Variants in LDLRAD3 observed in about 807,000 individuals in gnomAD.
LDLRAD3 encodes the protein low density lipoprotein receptor class A domain containing 3.
A neutral mutation model predicts 29.4 loss-of-function variants in LDLRAD3; 20 were observed. The observed-to-expected ratio is 0.68, with a 90% CI of 0.48 to 0.99. LDLRAD3 has a LOEUF of 0.99. Ranked by LOEUF, LDLRAD3 falls within the 50% of genes least tolerant of loss-of-function variation. The probability of loss-of-function intolerance (pLI) is 0.00; values close to 1 mark genes in which losing one functional copy is unlikely to be tolerated. For synonymous variants in LDLRAD3, 157 were observed against 192.7 expected, an observed-to-expected ratio of 0.81 and a Z score of 1.53; for missense variants, 420 against 454.3, an observed-to-expected ratio of 0.92 and a Z score of 0.69.
rs757334924 is a variant in LDLRAD3 at position 36,229,394 on chromosome 11, A to G, written c.1035A>G (p.Val345=). 3.1e-6 allele frequency: 5 copies of G among 1,603,576 alleles called. No individual in the cohort carries two copies. Among genetic ancestry groups the G allele is most frequent in the Middle Eastern group, 1.7e-4 (1 of 6,034 alleles). The change falls in exon 6 of 6, where the codon GTA becomes GTG. Residue 345 remains valine (V), a synonymous_variant. Transcript: ENST00000315571. ...AGCCCAGCCAGGGCACTGAAGAAGT[A>G]TAAGTCCCAGTTATTCCAAAGTCCA... ...DSEPSQGTEE[V]
At chr11:36,214,451 C>T (rs1855325675) in intron 4 of LDLRAD3, among the ~76,000 whole-genome samples, 3 of 152,170 alleles carry the variant, frequency 2.0e-5, no homozygotes. Context: ...ACATTGATCC[C>T]ACCTCATTTG....
chr11:36,094,231 A>G (rs1363452489), intron 3 of LDLRAD3, among the ~76,000 whole-genome samples: 1 of 152,160 alleles, frequency 6.6e-6, no homozygotes, highest in Non-Finnish European at 1.5e-5. Context: ...TCTTGACACC[A>G]GTTCATTGAT....
intron 1 of LDLRAD3, among the ~76,000 whole-genome samples, chr11:36,013,773 G>A (rs1320548794): frequency 8.5e-6 from 1 of 117,108 alleles, no homozygotes; most frequent in Non-Finnish European, 1.9e-5. Context: ...AACCCCCAGG[G>A]GAGTGTGCCT....
chr11:36,158,451 TC>T, intron 4 of LDLRAD3, among the ~76,000 whole-genome samples: 1 of 135,714 alleles, frequency 7.4e-6, no homozygotes, highest in African/African-American at 2.7e-5. Context: ...CCCATCCCCA[TC>T]CCCACCCCCT....
At chr11:36,147,968 T>G (rs866878305) in intron 4 of LDLRAD3, among the ~76,000 whole-genome samples, 1 of 152,150 alleles carries the variant, frequency 6.6e-6, no homozygotes, top group Non-Finnish European at 1.5e-5. Flanking sequence ...CCTCCCAGGT[T>G]TAAGCGATTC....
intron 3 of LDLRAD3, 58 bp from the exon 4 acceptor site, chr11:36,098,269 G>A: frequency 6.2e-7 from 1 of 1,603,420 alleles, no homozygotes; most frequent in Admixed American, 1.7e-5. Context: ...AGAAGTTCCA[G>A]GGTCCCCAAG....
chr11:36,056,105 C>T (rs1852615966), intron 2 of LDLRAD3, among the ~76,000 whole-genome samples: 1 of 150,434 alleles, frequency 6.6e-6, no homozygotes, highest in Non-Finnish European at 1.5e-5. Flanking sequence ...AAGCAATTCT[C>T]CTGCCTCAGC....
chr11:36,109,772 C>T (rs539012345), intron 4 of LDLRAD3, among the ~76,000 whole-genome samples: 43 of 151,932 alleles, frequency 2.8e-4, no homozygotes, highest in African/African-American at 9.4e-4. Flanking sequence ...AAATAGTCTG[C>T]GTTTAGGGGA....
At chr11:36,075,648 T>C (rs1273957064) in intron 2 of LDLRAD3, among the ~76,000 whole-genome samples, 2 of 152,246 alleles carry the variant, frequency 1.3e-5, no homozygotes, top group African/African-American at 4.8e-5. Context: ...ATTACAATAG[T>C]GTCTGCTTCG....
chr11:36,062,694 G>A (rs1249364401), intron 2 of LDLRAD3, among the ~76,000 whole-genome samples: 1 of 152,132 alleles, frequency 6.6e-6, no homozygotes, highest in African/African-American at 2.4e-5. Flanking sequence ...AAATCTGATG[G>A]TTTTATAAGG....
In LDLRAD3 at chr11:36,211,370, G is replaced by A. The variant is rs572547487; in HGVS notation, c.455-15715G>A. Among the ~76,000 whole-genome samples, 9 of 152,328 alleles carry A rather than the reference G, an allele frequency of 5.9e-5. No homozygotes were observed. The East Asian group carries it at 1.3e-3, about 23-fold the overall frequency. ...CCATTGCTAGGAGTTTGTATTTCCA[G>A]TACAGTGAGCAATGCTTGGTGGGAA... On this transcript the variant is annotated intron_variant, in intron 4 of 5. Transcript: ENST00000315571.
At chr11:36,081,531 G>A (rs1853113710) in intron 2 of LDLRAD3, 122 bp from the exon 3 acceptor site, 3 of 1,322,870 alleles carry the variant, frequency 2.3e-6, no homozygotes, top group Non-Finnish European at 3.2e-6. Context: ...TGAGAAGAAA[G>A]CTTCAAGGAC....
At chr11:36,031,597 C>T (rs780866792) in intron 1 of LDLRAD3, among the ~76,000 whole-genome samples, 42 of 152,210 alleles carry the variant, frequency 2.8e-4, no homozygotes, top group Non-Finnish European at 5.3e-4. Context: ...TTGAACAAAA[C>T]AGTGCCTCTC....
chr11:36,120,353 G>C (rs1853737732), intron 4 of LDLRAD3, among the ~76,000 whole-genome samples: 2 of 152,168 alleles, frequency 1.3e-5, no homozygotes, highest in South Asian at 2.1e-4. Context: ...TCCTTCACCA[G>C]AATATTTTCT....
chr11:36,063,620 T>C (rs1852741470), intron 2 of LDLRAD3, among the ~76,000 whole-genome samples: 1 of 152,252 alleles, frequency 6.6e-6, no homozygotes, highest in Non-Finnish European at 1.5e-5. Flanking sequence ...GAGTCCAGTT[T>C]CGTTCTTTTA....
At position 36,231,826 on chromosome 11, in the gene LDLRAD3, A is replaced by G. The variant is rs902001746; in HGVS notation, c.*2429A>G. On this transcript the variant is annotated 3_prime_UTR_variant, in exon 6 of 6. Coordinates refer to ENST00000315571, the MANE Select transcript of LDLRAD3 (RefSeq NM_174902.4). ...ATTTTTTAACTCATTCCAACCAGGA[A>G]GCTTTTTTATACATTGCCTAAATCT... is the stretch of plus-strand genomic sequence containing the variant. The G allele has an allele frequency of 2.0e-5, 3 of 152,178 alleles. No homozygotes were observed. Among genetic ancestry groups the G allele is most frequent in the African/African-American group, 7.2e-5 (3 of 41,426 alleles). 9.4% of individuals were successfully genotyped at this position (152,178 alleles called of 1,614,324 possible).
At chr11:36,048,788 T>C (rs1287756723) in intron 2 of LDLRAD3, among the ~76,000 whole-genome samples, 1 of 152,200 alleles carries the variant, frequency 6.6e-6, no homozygotes, top group African/African-American at 2.4e-5. Flanking sequence ...GCAGCTGTTG[T>C]TTGGGACCTG....
intron 4 of LDLRAD3, among the ~76,000 whole-genome samples, chr11:36,143,532 T>C (rs1854117568): frequency 6.6e-6 from 1 of 152,240 alleles, no homozygotes; most frequent in Non-Finnish European, 1.5e-5. Flanking sequence ...ATTTTCCCAC[T>C]TCCTGTTTGA....
chr11:36,125,635 C>T (rs923969849), intron 4 of LDLRAD3, among the ~76,000 whole-genome samples: 20 of 152,234 alleles, frequency 1.3e-4, no homozygotes, highest in African/African-American at 2.6e-4. Flanking sequence ...TGAGATGACA[C>T]GGTGATCAAA....
Sources: gnomAD v4.1 joint callset for allele counts (sites outside exome capture counted in the v4.1 genomes callset) on GRCh38, gnomAD v4.1.1 for gene constraint, MANE v1.5 for transcripts, NCBI Gene and HGNC (gene_info 2026-07-23, HGNC 2026-07-21) for gene names.